VPS13B: variants seen among roughly 807,000 people sequenced by gnomAD.
The protein encoded by VPS13B is intermembrane lipid transfer protein VPS13B.
A neutral mutation model predicts 426.4 loss-of-function variants in VPS13B; 285 were observed. The ratio of observed to expected loss-of-function variants is 0.67; its 90% CI spans 0.61 to 0.74. VPS13B has a LOEUF of 0.74. Among genes scored for constraint, VPS13B ranks in the 30% least tolerant of loss-of-function variants. The pLI, the probability that VPS13B is intolerant of heterozygous loss-of-function variation, is 0.00. For missense variants in VPS13B, 4,537 were observed against 4,782.6 expected (o/e 0.95, Z 1.51); for synonymous variants, 1,676 against 1,676.4 (o/e 1.00, Z 0.01).
intron 31 of VPS13B, among the ~76,000 whole-genome samples, chr8:99,567,565 T>C (rs1825249694): frequency 6.6e-6 from 1 of 152,030 alleles, no homozygotes; most frequent in African/African-American, 2.4e-5. Flanking sequence ...TTTCTTTAAA[T>C]GTACCTTAAA....
chr8:99,514,370 T>C (rs761388391), intron 29 of VPS13B, among the ~76,000 whole-genome samples: 1 of 152,194 alleles, frequency 6.6e-6, no homozygotes, highest in Non-Finnish European at 1.5e-5. Flanking sequence ...ATTCATAATG[T>C]TGTGCAACCA....
At chr8:99,819,296 C>G in intron 47 of VPS13B, 116 bp from the exon 48 acceptor site, 1 of 1,234,220 alleles carries the variant, frequency 8.1e-7, no homozygotes, top group Non-Finnish European at 1.2e-6. Context: ...TAAATGGACT[C>G]TATCTACCAA....
At chr8:99,730,519 A>G (rs1833550168) in intron 39 of VPS13B, among the ~76,000 whole-genome samples, 1 of 152,154 alleles carries the variant, frequency 6.6e-6, no homozygotes, top group Non-Finnish European at 1.5e-5. Context: ...TAATGTTGTA[A>G]AAGTATGAAA....
chr8:99,249,381 A>T (rs1188790692), intron 17 of VPS13B, among the ~76,000 whole-genome samples: 2 of 150,988 alleles, frequency 1.3e-5, no homozygotes, highest in East Asian at 1.9e-4. Flanking sequence ...TTTCTCTGGG[A>T]CTAATGCCTA....
intron 39 of VPS13B, among the ~76,000 whole-genome samples, chr8:99,730,714 TAGGTAC>T (rs532443768): frequency 1.0e-4 from 15 of 149,840 alleles, no homozygotes; most frequent in African/African-American, 2.7e-4. Context: ...AAGGTACCTG[TAGGTAC>T]AGGTACAGGT....
intron 34 of VPS13B, among the ~76,000 whole-genome samples, chr8:99,643,524 G>A (rs1423468066): frequency 6.6e-6 from 1 of 152,116 alleles, no homozygotes; most frequent in African/African-American, 2.4e-5. Flanking sequence ...AGGGTTTAGT[G>A]CAAGTCCCCT....
intron 35 of VPS13B, among the ~76,000 whole-genome samples, chr8:99,666,122 G>A (rs1830474940): frequency 6.6e-6 from 1 of 151,980 alleles, no homozygotes; most frequent in Non-Finnish European, 1.5e-5. Context: ...GTCTGTTATT[G>A]GTGTATAAGA....
chr8:99,239,108 C>A (rs1436723314), intron 17 of VPS13B, among the ~76,000 whole-genome samples: 1 of 152,100 alleles, frequency 6.6e-6, no homozygotes, highest in Non-Finnish European at 1.5e-5. Context: ...CCAGTGTTAT[C>A]ACATTCCAAT....
At chr8:99,299,835 GGGAGGT>G (rs1820264564) in intron 19 of VPS13B, among the ~76,000 whole-genome samples, 1 of 152,078 alleles carries the variant, frequency 6.6e-6, no homozygotes, top group Non-Finnish European at 1.5e-5. Context: ...GTTTGAACCT[GGGAGGT>G]GGAGGTTGCA....
At chr8:99,016,154 T>G (rs1335208205) in intron 2 of VPS13B, among the ~76,000 whole-genome samples, 1 of 152,226 alleles carries the variant, frequency 6.6e-6, no homozygotes, top group Admixed American at 6.5e-5. Context: ...ACACTTGGGT[T>G]TTTAATATTT....
chr8:99,875,635 A>AAAAT lies in VPS13B; in HGVS notation c.11967_11970dup (p.Ala3991Ter), dbSNP rs769983613. ...TTCCTTAGTAAATTTACCATGGTGAAAAATAAAGCCCTGAGGAAAGGGTTT... is the reference window on the plus strand; with the variant it reads ...TTCCTTAGTAAATTTACCATGGTGAAAAATAAATAAAGCCCTGAGGAAAGGGTTT... On this transcript the variant is annotated frameshift_variant, in exon 62 of 62. Transcript: ENST00000357162. LOFTEE classifies it high-confidence loss of function. 65 of 1,614,078 alleles carry AAAAT rather than the reference A, an allele frequency of 4.0e-5. No individual in the cohort carries two copies. The highest frequency in any genetic ancestry group is 5.1e-5 in the Non-Finnish European group (60 of 1,180,034).
intron 4 of VPS13B, among the ~76,000 whole-genome samples, chr8:99,098,041 T>C (rs1320868460): frequency 6.6e-6 from 1 of 152,226 alleles, no homozygotes; most frequent in African/African-American, 2.4e-5. Flanking sequence ...ATCACTATCA[T>C]GTATCTTTCT....
chr8:99,599,234 A>G (rs1827169872), intron 33 of VPS13B, among the ~76,000 whole-genome samples: 1 of 151,932 alleles, frequency 6.6e-6, no homozygotes. Context: ...GGTTACTATT[A>G]ATATCTGCCT....
intron 55 of VPS13B, 88 bp downstream of exon 55, chr8:99,848,982 A>C (rs1367984750): frequency 8.2e-7 from 1 of 1,220,532 alleles, no homozygotes; most frequent in Non-Finnish European, 1.2e-6. Flanking sequence ...TCATCTCCAC[A>C]TAATGTATTA....
chr8:99,308,807 A>C (rs915623705), intron 19 of VPS13B, among the ~76,000 whole-genome samples: 38 of 152,286 alleles, frequency 2.5e-4, no homozygotes, highest in African/African-American at 9.1e-4. Context: ...ACAGTGTAAA[A>C]GTGTTCCTAT....
chr8:99,396,079 A>G (rs1420753209), intron 21 of VPS13B, among the ~76,000 whole-genome samples: 1 of 152,204 alleles, frequency 6.6e-6, no homozygotes, highest in Non-Finnish European at 1.5e-5. Flanking sequence ...AAATAAATGT[A>G]CAGAGCCTTA....
At chr8:99,397,536 G>C (rs1445663604) in intron 21 of VPS13B, among the ~76,000 whole-genome samples, 1 of 152,100 alleles carries the variant, frequency 6.6e-6, no homozygotes, top group African/African-American at 2.4e-5. Flanking sequence ...ATATTGTTTA[G>C]GCTTAAGTTT....
Position 99,442,548 on chromosome 8 carries a change from C to G in VPS13B, c.3358C>G (p.Gln1120Glu), listed in dbSNP as rs759347131. 4 of 1,613,936 alleles carry G rather than the reference C, an allele frequency of 2.5e-6. 1 individual carries two copies. The South Asian group carries it at 4.4e-5, about 18-fold the overall frequency. Residue 1120 changes from glutamine to glutamate, a missense_variant, in exon 23 of 62, where the codon CAA (glutamine) becomes GAA (glutamate). Physicochemically the swap from Gln to Glu is conservative, Grantham distance 29. This residue lies in a region of VPS13B where 4,311 missense variants were observed against 4,474.3 expected (regional missense o/e 0.96). Coordinates refer to ENST00000357162, the MANE Select transcript of VPS13B (RefSeq NM_152564.5). Reference protein sequence around the residue: ...MPGTLVLCLPQIKIISAGHKY... With the variant: ...MPGTLVLCLPEIKIISAGHKY... Reference sequence around the variant, plus strand: ...GGGAACACTTGTCCTCTGTTTGCCTCAAATAAAGATTATTAGTGCTGGGCA... The same window carrying G: ...GGGAACACTTGTCCTCTGTTTGCCTGAAATAAAGATTATTAGTGCTGGGCA...
intron 31 of VPS13B, among the ~76,000 whole-genome samples, chr8:99,566,097 C>T (rs551202691): frequency 6.6e-6 from 1 of 152,222 alleles, no homozygotes; most frequent in South Asian, 2.1e-4. Flanking sequence ...TGCTTAGCAG[C>T]CAGCAGATAT....
Sources: allele counts gnomAD v4.1 joint callset (sites outside exome capture counted in the v4.1 genomes callset), GRCh38; gene constraint gnomAD v4.1.1; regional missense constraint gnomAD v4.1.1; transcripts MANE v1.5; gene names NCBI Gene and HGNC (gene_info 2026-07-23, HGNC 2026-07-21).